Variants in ZMYND11 observed in about 807,000 individuals in gnomAD.
The protein encoded by ZMYND11 is zinc finger MYND-type containing 11, also known as zinc finger MYND domain-containing protein 11.
In ZMYND11, 9 loss-of-function variants were observed where a neutral mutation model predicts 84.9. The observed-to-expected ratio is 0.11, with a 90% confidence interval of 0.06 to 0.18. ZMYND11 has a LOEUF of 0.18. ZMYND11 is among the 10% of genes least tolerant of loss of function. The pLI is 1.00. For synonymous variants in ZMYND11, 250 were observed against 244.1 expected, an observed-to-expected ratio of 1.02 and a Z score of -0.23; for missense variants, 409 against 761.0, an observed-to-expected ratio of 0.54 and a Z score of 5.44.
At chr10:241,544 TG>T (rs1391936484) in intron 9 of ZMYND11, among the ~76,000 whole-genome samples, 2 of 152,236 alleles carry the variant, frequency 1.3e-5, no homozygotes, top group Non-Finnish European at 2.9e-5. Flanking sequence ...CCTAAGGCTT[TG>T]CCTTTGTCTG....
intron 4 of ZMYND11, among the ~76,000 whole-genome samples, chr10:235,294 G>A (rs1418650406): frequency 1.3e-5 from 2 of 152,072 alleles, no homozygotes; most frequent in Non-Finnish European, 2.9e-5. Context: ...TAAATTGCTT[G>A]AGTGAGTTCT....
At chr10:223,534 A>G (rs1031706634) in intron 4 of ZMYND11, among the ~76,000 whole-genome samples, 1 of 151,996 alleles carries the variant, frequency 6.6e-6, no homozygotes, top group African/African-American at 2.4e-5. Flanking sequence ...AAAATCTTGA[A>G]TTTTTCATTC....
At chr10:151,487 A>T (rs1382854556) in intron 1 of ZMYND11, among the ~76,000 whole-genome samples, 3 of 152,242 alleles carry the variant, frequency 2.0e-5, no homozygotes, top group African/African-American at 7.2e-5. Flanking sequence ...CAAATGAATG[A>T]AATAAATCCA....
At chr10:184,806 C>G (rs1937714115) in intron 2 of ZMYND11, among the ~76,000 whole-genome samples, 1 of 152,144 alleles carries the variant, frequency 6.6e-6, no homozygotes, top group Non-Finnish European at 1.5e-5. Flanking sequence ...AGATTTATGG[C>G]TCTAAAGTTC....
intron 4 of ZMYND11, among the ~76,000 whole-genome samples, chr10:227,739 T>G (rs1564417420): frequency 6.6e-6 from 1 of 152,220 alleles, no homozygotes; most frequent in Non-Finnish European, 1.5e-5. Context: ...CATAAATTCC[T>G]TATGTATCTA....
At chr10:233,273 G>A (rs1041869455) in intron 4 of ZMYND11, among the ~76,000 whole-genome samples, 17 of 152,186 alleles carry the variant, frequency 1.1e-4, no homozygotes, top group Admixed American at 1.0e-3. Context: ...GCCGTTTGAA[G>A]AACAGACAAG....
At chr10:176,581 A>G (rs951280263) in intron 1 of ZMYND11, among the ~76,000 whole-genome samples, 2 of 152,226 alleles carry the variant, frequency 1.3e-5, no homozygotes, top group African/African-American at 2.4e-5. Flanking sequence ...ATAAAAATGA[A>G]TAAGACGTAT....
At chr10:227,237 G>T (rs777600752) in intron 4 of ZMYND11, among the ~76,000 whole-genome samples, 3 of 152,148 alleles carry the variant, frequency 2.0e-5, no homozygotes, top group African/African-American at 7.2e-5. Context: ...GCTGTTTGGT[G>T]GTTCTTCCAC....
intron 2 of ZMYND11, among the ~76,000 whole-genome samples, chr10:200,056 A>C (rs1247882353): frequency 6.6e-6 from 1 of 151,486 alleles, no homozygotes; most frequent in African/African-American, 2.4e-5. Context: ...CAGATTTTCT[A>C]AAAAGGTCAC....
intron 1 of ZMYND11, among the ~76,000 whole-genome samples, chr10:166,912 C>T (rs1844138580): frequency 6.6e-6 from 1 of 151,944 alleles, no homozygotes; most frequent in Admixed American, 6.6e-5. Context: ...TATTCTTCAG[C>T]CATAAGAAGA....
chr10:202,983 C>A (rs1404378285), intron 2 of ZMYND11, among the ~76,000 whole-genome samples: 1 of 151,836 alleles, frequency 6.6e-6, no homozygotes, highest in Non-Finnish European at 1.5e-5. Flanking sequence ...AAAAAAAACA[C>A]TTAGCAAACT....
At chr10:164,355 G>A (rs1399252783) in intron 1 of ZMYND11, among the ~76,000 whole-genome samples, 3 of 152,046 alleles carry the variant, frequency 2.0e-5, no homozygotes, top group Non-Finnish European at 4.4e-5. Flanking sequence ...TTCTAGGATA[G>A]GCAGGGTTGG....
chr10:230,169 G>A lies in ZMYND11; in HGVS notation c.439-6669G>A, dbSNP rs577190181. On this transcript the variant is annotated intron_variant, in intron 4 of 14. Coordinates refer to ENST00000381604, the MANE Select transcript of ZMYND11 (RefSeq NM_001370100.5). Reference sequence around the variant, plus strand: ...GCCACCTGTACAGGAATCACCTGGTGAGCTTATTTAAAACACAGTCTCCTA... The same window carrying A: ...GCCACCTGTACAGGAATCACCTGGTAAGCTTATTTAAAACACAGTCTCCTA... 5.3e-5 allele frequency among the ~76,000 whole-genome samples: 8 copies of A among 152,198 alleles called. No homozygotes were observed. The South Asian group carries it at 1.7e-3, about 32-fold the overall frequency.
intron 1 of ZMYND11, among the ~76,000 whole-genome samples, chr10:153,661 T>G (rs1199554530): frequency 6.6e-6 from 1 of 152,232 alleles, no homozygotes; most frequent in Admixed American, 6.5e-5. Flanking sequence ...AGTCTCATTA[T>G]TCATCATAGT....
At chr10:241,294 C>T (rs1409690399) in intron 9 of ZMYND11, among the ~76,000 whole-genome samples, 4 of 152,160 alleles carry the variant, frequency 2.6e-5, no homozygotes, top group African/African-American at 9.7e-5. Context: ...TCTCCCACCT[C>T]AGCCTCCAGA....
At chr10:148,234 G>A (rs1226672586) in intron 1 of ZMYND11, 1 of 150,942 alleles carries the variant, frequency 6.6e-6, no homozygotes, top group Non-Finnish European at 1.5e-5. Flanking sequence ...TTTGCTCTGG[G>A]AAGAAGTCCT....
At chr10:177,126 G>A (rs1047085032) in intron 1 of ZMYND11, among the ~76,000 whole-genome samples, 3 of 152,154 alleles carry the variant, frequency 2.0e-5, no homozygotes, top group African/African-American at 7.2e-5. Context: ...CTAGAGCATA[G>A]AAGAGCACCT....
intron 6 of ZMYND11, 132 bp downstream of exon 6, chr10:237,809 A>G: frequency 1.7e-6 from 1 of 593,400 alleles, no homozygotes; most frequent in Non-Finnish European, 2.9e-6. Context: ...ACTTCCTAAA[A>G]CAAAAGACAG....
At chr10:248,857 T>C in intron 13 of ZMYND11, 46 bp from the exon 14 acceptor site, 4 of 1,567,234 alleles carry the variant, frequency 2.6e-6, no homozygotes, top group Non-Finnish European at 3.5e-6. Flanking sequence ...AGATGGTCTG[T>C]GTTAAGTTGT....
Sources: gnomAD v4.1 joint callset for allele counts (sites outside exome capture counted in the v4.1 genomes callset) on GRCh38, gnomAD v4.1.1 for gene constraint, MANE v1.5 for transcripts, NCBI Gene and HGNC (gene_info 2026-07-23, HGNC 2026-07-21) for gene names.